The following RBMS2 variants were observed in gnomAD, a reference collection of about 807,000 sequenced individuals.
The protein encoded by RBMS2 is RNA binding motif single stranded interacting protein 2, also known as RNA-binding motif, single-stranded-interacting protein 2.
Under a neutral mutation model 58.4 loss-of-function variants are expected in RBMS2, and 38 were observed. The ratio of observed to expected loss-of-function variants is 0.65; its 90% confidence interval spans 0.50 to 0.85. The LOEUF is 0.85. Ranked by LOEUF, RBMS2 falls within the 40% of genes least tolerant of loss-of-function variation. The probability of loss-of-function intolerance (pLI) is 0.00; values close to 1 mark genes in which losing one functional copy is unlikely to be tolerated. For synonymous variants in RBMS2, 151 were observed against 180.7 expected, an observed-to-expected ratio of 0.84 and a Z score of 1.32; for missense variants, 367 against 503.7, an observed-to-expected ratio of 0.73 and a Z score of 2.60.
chr12:56,580,659 A>G (rs1375418326), intron 5 of RBMS2, among the ~76,000 whole-genome samples: 2 of 152,112 alleles, frequency 1.3e-5, no homozygotes, highest in Admixed American at 6.6e-5. Flanking sequence ...AGACTCCAAC[A>G]TTCCTTTTTC....
In RBMS2 at chr12:56,595,297, G is replaced by T. The variant is rs1885651241; in HGVS notation, c.*6164G>T. Reference sequence around the variant, plus strand: ...GCACCAAGACAAAGTTTCCAGGCTGGAGGGTAATACATATCCAGCGCGAGT... The same window carrying T: ...GCACCAAGACAAAGTTTCCAGGCTGTAGGGTAATACATATCCAGCGCGAGT... On this transcript the variant is annotated 3_prime_UTR_variant, in exon 14 of 14. Coordinates refer to ENST00000262031, the MANE Select transcript of RBMS2 (RefSeq NM_002898.4). The T allele has an allele frequency of 6.6e-6, 1 of 152,202 alleles. No homozygotes were observed. Among genetic ancestry groups the T allele is most frequent in the Non-Finnish European group, 1.5e-5 (1 of 68,054 alleles). The allele number at this position is 152,202 out of a possible 1,614,324, so 9.4% of individuals were successfully genotyped here.
intron 1 of RBMS2, among the ~76,000 whole-genome samples, chr12:56,540,553 T>A (rs1253219612): frequency 1.3e-5 from 2 of 152,072 alleles, no homozygotes; most frequent in African/African-American, 4.8e-5. Context: ...TTTAAAAAAC[T>A]GTTTTTTATA....
chr12:56,567,385 CAA>C (rs34292833), intron 2 of RBMS2, among the ~76,000 whole-genome samples: 12 of 80,914 alleles, frequency 1.5e-4, no homozygotes, highest in Admixed American at 4.1e-4. Context: ...AACTCCATCT[CAA>C]AAAAAAAAAA....
At chr12:56,575,508 G>A (rs1169018057) in intron 5 of RBMS2, among the ~76,000 whole-genome samples, 3 of 151,968 alleles carry the variant, frequency 2.0e-5, no homozygotes, top group Non-Finnish European at 4.4e-5. Context: ...TGGGGATGGA[G>A]CTATGGGCCC....
chr12:56,577,845 G>A (rs528083133), intron 5 of RBMS2, among the ~76,000 whole-genome samples: 1 of 152,232 alleles, frequency 6.6e-6, no homozygotes, highest in African/African-American at 2.4e-5. Context: ...GCCACGCCCG[G>A]CTAATTTTTT....
intron 7 of RBMS2, 38 bp downstream of exon 7, chr12:56,581,546 A>G: frequency 6.4e-7 from 1 of 1,562,548 alleles, no homozygotes; most frequent in Non-Finnish European, 8.8e-7. Flanking sequence ...TACTAACGAC[A>G]TTAAAGTGGA....
chr12:56,541,389 A>T (rs1876064573), intron 1 of RBMS2, among the ~76,000 whole-genome samples: 1 of 152,168 alleles, frequency 6.6e-6, no homozygotes, highest in South Asian at 2.1e-4. Context: ...ATTATTTTAC[A>T]AATAATAGGA....
intron 1 of RBMS2, among the ~76,000 whole-genome samples, chr12:56,537,960 G>A (rs1478826010): frequency 6.6e-6 from 1 of 151,024 alleles, no homozygotes; most frequent in African/African-American, 2.4e-5. Flanking sequence ...TTTCACATTT[G>A]TGAAATGTCA....
chr12:56,571,946 A>G (rs551399572), intron 5 of RBMS2, 91 bp downstream of exon 5: 2 of 1,245,422 alleles, frequency 1.6e-6, no homozygotes, highest in African/African-American at 3.1e-5. Context: ...TTTCCCACAC[A>G]AGGTCAAAAT....
chr12:56,574,295 A>G (rs1382995782), intron 5 of RBMS2, among the ~76,000 whole-genome samples: 4 of 152,186 alleles, frequency 2.6e-5, no homozygotes, highest in Admixed American at 2.6e-4. Context: ...TTCTAACTAT[A>G]CTTACTAATG....
intron 1 of RBMS2, among the ~76,000 whole-genome samples, chr12:56,557,083 C>T (rs1488586206): frequency 1.3e-5 from 2 of 152,146 alleles, no homozygotes; most frequent in East Asian, 1.9e-4. Context: ...ATTTATGATG[C>T]TCTCTTGTTG....
rs1885152246 is a variant in RBMS2 at position 56,589,534 on chromosome 12, T to C, written c.*401T>C. On this transcript the variant is annotated 3_prime_UTR_variant, in exon 14 of 14. Transcript: ENST00000262031. ...TTATTTGGGAATGCTTTTAAAACAATTTGTAATTATTTCTTTACAAACCAA... is the reference window on the plus strand; with the variant it reads ...TTATTTGGGAATGCTTTTAAAACAACTTGTAATTATTTCTTTACAAACCAA... 7.2e-5 allele frequency: 16 copies of C among 222,526 alleles called. 2 individuals carry two copies. In the South Asian group the frequency reaches 1.0e-3, roughly 14 times the overall value. 13.8% of individuals were successfully genotyped at this position (222,526 alleles called of 1,614,324 possible).
chr12:56,557,299 A>G (rs1302224722), intron 1 of RBMS2, among the ~76,000 whole-genome samples: 2 of 152,182 alleles, frequency 1.3e-5, no homozygotes, highest in Non-Finnish European at 2.9e-5. Context: ...AAAGTGTTTT[A>G]GGAAGCCAGA....
rs181592381 is a variant in RBMS2 at position 56,575,579 on chromosome 12, G to A, written c.542+3724G>A. On this transcript the variant is annotated intron_variant, in intron 5 of 13. Coordinates refer to ENST00000262031, the MANE Select transcript of RBMS2 (RefSeq NM_002898.4). The stretch of plus-strand genomic sequence containing the variant: ...CCTACACCCCCCCTCAAAAAAAAAG[G>A]GCTATTTTTTTTTAAATTAAATACA... Among the ~76,000 whole-genome samples the A allele has an allele frequency of 1.4e-3, 210 of 151,298 alleles. 1 individual carries two copies. The highest frequency in any genetic ancestry group is 3.4e-3 in the Middle Eastern group (1 of 294).
chr12:56,560,193 C>G (rs1357915136), intron 1 of RBMS2, among the ~76,000 whole-genome samples: 1 of 151,122 alleles, frequency 6.6e-6, no homozygotes, highest in Non-Finnish European at 1.5e-5. Flanking sequence ...CCGTACCCGG[C>G]CATAGGTCAT....
Position 56,586,884 on chromosome 12 carries a change from C to T in RBMS2, c.909C>T (p.Asn303=). The T allele has an allele frequency of 6.2e-7, 1 of 1,613,942 alleles. No homozygotes were observed. Among genetic ancestry groups the T allele is most frequent in the Non-Finnish European group, 8.5e-7 (1 of 1,179,826 alleles). ...AGACATCTCCTCTACAAGTACCTAA[C>T]CCATCCTGGATGCACCACCATTCAT... The part of the protein sequence containing the change: ...VTQTSPLQVP[N]PSWMHHHSYL... Residue 303 remains asparagine (N), a synonymous_variant, in exon 10 of 14, where the codon AAC becomes AAT. Coordinates refer to ENST00000262031, the MANE Select transcript of RBMS2 (RefSeq NM_002898.4).
At chr12:56,571,668 A>G (rs1882317866) in intron 4 of RBMS2, 30 bp from the exon 5 acceptor site, 3 of 1,493,432 alleles carry the variant, frequency 2.0e-6, no homozygotes, top group Non-Finnish European at 2.7e-6. Context: ...AAGAGATGTG[A>G]GCCTCATTTT....
At chr12:56,523,413 T>C (rs1421777704) in intron 1 of RBMS2, among the ~76,000 whole-genome samples, 1 of 152,218 alleles carries the variant, frequency 6.6e-6, no homozygotes, top group African/African-American at 2.4e-5. Flanking sequence ...TTCACTATAG[T>C]AACCTTTCTA....
At chr12:56,535,904 G>A (rs1014251274) in intron 1 of RBMS2, among the ~76,000 whole-genome samples, 3 of 151,952 alleles carry the variant, frequency 2.0e-5, no homozygotes, top group Admixed American at 1.3e-4. Flanking sequence ...TGATCATTAA[G>A]GTTAACGATT....
Sources: allele counts gnomAD v4.1 joint callset (sites outside exome capture counted in the v4.1 genomes callset), GRCh38; gene constraint gnomAD v4.1.1; transcripts MANE v1.5; gene names NCBI Gene and HGNC (gene_info 2026-07-23, HGNC 2026-07-21).